NTNG1: variants seen among roughly 807,000 people sequenced by gnomAD.
NTNG1 encodes the protein netrin G1, also known as netrin-G1.
A neutral mutation model predicts 54.0 loss-of-function variants in NTNG1; 16 were observed. That is an observed-to-expected ratio of 0.30 (90% CI 0.20 to 0.45). The LOEUF is 0.45. Among genes scored for constraint, NTNG1 ranks in the 20% least tolerant of loss-of-function variants. The pLI, the probability that NTNG1 is intolerant of heterozygous loss-of-function variation, is 1.00. For synonymous variants in NTNG1, 255 were observed against 263.1 expected (o/e 0.97, Z 0.30); for missense variants, 530 against 678.7 (o/e 0.78, Z 2.43).
chr1:107,401,857 A>G (rs767507312), intron 4 of NTNG1, among the ~76,000 whole-genome samples: 2 of 152,048 alleles, frequency 1.3e-5, no homozygotes, highest in Non-Finnish European at 2.9e-5. Context: ...CTCAGCTTCT[A>G]TGTGTTTGAG....
At chr1:107,294,506 C>T (rs1036919456) in intron 2 of NTNG1, among the ~76,000 whole-genome samples, 1 of 152,172 alleles carries the variant, frequency 6.6e-6, no homozygotes, top group African/African-American at 2.4e-5. Flanking sequence ...CTTTCCACTT[C>T]CCTGCCCCTC....
chr1:107,165,530 A>G (rs1655727453), intron 2 of NTNG1, among the ~76,000 whole-genome samples: 1 of 152,124 alleles, frequency 6.6e-6, no homozygotes, highest in African/African-American at 2.4e-5. Context: ...TTCATTTTGT[A>G]ATTATTAGTT....
At chr1:107,315,574 C>T (rs564157190) in intron 2 of NTNG1, among the ~76,000 whole-genome samples, 1 of 152,270 alleles carries the variant, frequency 6.6e-6, no homozygotes, top group Admixed American at 6.5e-5. Context: ...CGTGAAACCC[C>T]AAGTTCTACC....
intron 2 of NTNG1, among the ~76,000 whole-genome samples, chr1:107,156,847 A>C (rs1342369673): frequency 6.6e-6 from 1 of 152,218 alleles, no homozygotes; most frequent in Non-Finnish European, 1.5e-5. Flanking sequence ...TGGAGGAAGA[A>C]GGAAGGTAGC....
At chr1:107,451,320 C>T (rs924019143) in intron 7 of NTNG1, among the ~76,000 whole-genome samples, 1 of 152,008 alleles carries the variant, frequency 6.6e-6, no homozygotes, top group African/African-American at 2.4e-5. Flanking sequence ...AACAATTTCA[C>T]CACATGTCAC....
intron 2 of NTNG1, among the ~76,000 whole-genome samples, chr1:107,204,206 A>C (rs956865758): frequency 2.6e-5 from 4 of 152,106 alleles, no homozygotes; most frequent in African/African-American, 9.7e-5. Context: ...TTTTAGCATT[A>C]AATTTTCTTT....
At chr1:107,172,131 A>G (rs1235736569) in intron 2 of NTNG1, among the ~76,000 whole-genome samples, 3 of 152,020 alleles carry the variant, frequency 2.0e-5, no homozygotes, top group African/African-American at 7.2e-5. Context: ...CCCCTTGCTT[A>G]TTTAATCCTC....
chr1:107,359,603 C>A lies in NTNG1; in HGVS notation c.887+34681C>A, dbSNP rs149577566. Among the ~76,000 whole-genome samples, 83 of 152,140 alleles carry A rather than the reference C, an allele frequency of 5.5e-4. No individual in the cohort carries two copies. The East Asian group carries it at 0.016, about 29-fold the overall frequency. ...GTGACTTTTTCTATTTTCTGTCTGT[C>A]CTTGGCAAGCTCCCCCACCCCCAAC... On this transcript the variant is annotated intron_variant, in intron 3 of 7. Coordinates refer to ENST00000370068, the MANE Select transcript of NTNG1 (RefSeq NM_001113226.3).
At chr1:107,435,892 A>C (rs1675565175) in intron 6 of NTNG1, among the ~76,000 whole-genome samples, 1 of 152,180 alleles carries the variant, frequency 6.6e-6, no homozygotes, top group Admixed American at 6.5e-5. Context: ...TTTAAGCAAA[A>C]TAGAGCTTCA....
chr1:107,329,915 A>G (rs1040600394), intron 3 of NTNG1, among the ~76,000 whole-genome samples: 4 of 152,068 alleles, frequency 2.6e-5, no homozygotes, highest in African/African-American at 9.7e-5. Context: ...CAAAAAAAAA[A>G]TGATGATAAT....
At chr1:107,450,970 A>G (rs990804172) in intron 7 of NTNG1, among the ~76,000 whole-genome samples, 2 of 152,130 alleles carry the variant, frequency 1.3e-5, no homozygotes, top group African/African-American at 4.8e-5. Flanking sequence ...GGCAGTCACA[A>G]TTCATAGAGT....
At chr1:107,344,260 A>G (rs149610819) in intron 3 of NTNG1, among the ~76,000 whole-genome samples, 2 of 152,314 alleles carry the variant, frequency 1.3e-5, no homozygotes, top group African/African-American at 2.4e-5. Context: ...ATTACAGGGA[A>G]CAGGAGGATT....
At chr1:107,143,833 G>A (rs1313580910) in intron 1 of NTNG1, among the ~76,000 whole-genome samples, 1 of 152,036 alleles carries the variant, frequency 6.6e-6, no homozygotes, top group South Asian at 2.1e-4. Context: ...TTCTGAAATA[G>A]TTTTGGGTAT....
At chr1:107,171,782 C>T (rs1034054921) in intron 2 of NTNG1, among the ~76,000 whole-genome samples, 5 of 152,188 alleles carry the variant, frequency 3.3e-5, no homozygotes, top group Admixed American at 6.5e-5. Flanking sequence ...CAACTGTTCA[C>T]TTTATCTAAG....
At chr1:107,142,895 G>GCCT (rs1211013869) in intron 1 of NTNG1, among the ~76,000 whole-genome samples, 3 of 151,696 alleles carry the variant, frequency 2.0e-5, no homozygotes, top group African/African-American at 7.3e-5. Flanking sequence ...TGCCTTACCC[G>GCCT]CCTCCCTTTC....
intron 1 of NTNG1, among the ~76,000 whole-genome samples, chr1:107,146,997 G>T (rs1055374011): frequency 8.6e-5 from 13 of 151,876 alleles, no homozygotes; most frequent in African/African-American, 2.9e-4. Context: ...TTAAAAATCA[G>T]TTAACTTTTA....
chr1:107,477,880 T>G (rs557527781), intron 7 of NTNG1, among the ~76,000 whole-genome samples: 16 of 152,320 alleles, frequency 1.1e-4, no homozygotes, highest in Admixed American at 1.0e-3. Flanking sequence ...TCAATGGAAT[T>G]GATAAGGGCA....
rs112585547 is a variant in NTNG1, at chr1:107,407,114, A to G, written c.1061-568A>G. Among the ~76,000 whole-genome samples, 842 of 152,286 alleles carry G rather than the reference A, an allele frequency of 5.5e-3. 12 individuals carry two copies. Among genetic ancestry groups the G allele is most frequent in the African/African-American group, 0.018 (765 of 41,574 alleles). On this transcript the variant is annotated intron_variant, in intron 4 of 7. Coordinates refer to ENST00000370068, the MANE Select transcript of NTNG1 (RefSeq NM_001113226.3). ...AATTATTCTGCTCAATTGAGTTTCTATTACAGAGTTTAATCCACACATCTG... is the reference window on the plus strand; with the variant it reads ...AATTATTCTGCTCAATTGAGTTTCTGTTACAGAGTTTAATCCACACATCTG...
At chr1:107,205,089 C>T (rs1393898124) in intron 2 of NTNG1, among the ~76,000 whole-genome samples, 3 of 152,146 alleles carry the variant, frequency 2.0e-5, no homozygotes, top group Non-Finnish European at 4.4e-5. Context: ...GACTTTGACC[C>T]CAGAAGTGTC....
Sources: allele counts gnomAD v4.1 joint callset (sites outside exome capture counted in the v4.1 genomes callset), GRCh38; gene constraint gnomAD v4.1.1; transcripts MANE v1.5; gene names NCBI Gene and HGNC (gene_info 2026-07-23, HGNC 2026-07-21).